Variants in ZNF248 observed in about 807,000 individuals in gnomAD.
The protein encoded by ZNF248 is KRAB protein domain.
ZNF248 carries 20 observed loss-of-function variants against 44.3 expected under a neutral mutation model. The observed-to-expected ratio is 0.45, with a 90% CI of 0.32 to 0.66. The LOEUF is 0.66. ZNF248 is among the 30% of genes least tolerant of loss of function. The probability of loss-of-function intolerance (pLI) is 0.04; values close to 1 mark genes in which losing one functional copy is unlikely to be tolerated. For missense variants in ZNF248, 654 were observed against 677.0 expected, an observed-to-expected ratio of 0.97 and a Z score of 0.38; for synonymous variants, 224 against 229.0, an observed-to-expected ratio of 0.98 and a Z score of 0.20.
chr10:37,786,534 C>T (rs1179832251), intron 6 of ZNF248, among the ~76,000 whole-genome samples: 1 of 151,878 alleles, frequency 6.6e-6, no homozygotes, highest in African/African-American at 2.4e-5. Context: ...CTATATAATG[C>T]AAATAATTAA....
chr10:37,845,981 G>C (rs1181567714), intron 3 of ZNF248, among the ~76,000 whole-genome samples: 5 of 152,154 alleles, frequency 3.3e-5, no homozygotes, highest in Non-Finnish European at 2.9e-5. Context: ...TACAAACCTT[G>C]GGCAGCTGGC....
intron 6 of ZNF248, among the ~76,000 whole-genome samples, chr10:37,812,942 T>A (rs1211546154): frequency 1.3e-5 from 2 of 150,632 alleles, no homozygotes; most frequent in Non-Finnish European, 2.9e-5. Flanking sequence ...GAAAACTATA[T>A]CCGGATGTTG....
At chr10:37,762,013 G>A in the ZNF248 span, among the ~76,000 whole-genome samples, 1 of 152,308 alleles carries the variant, frequency 6.6e-6, no homozygotes, top group South Asian at 2.1e-4. Flanking sequence ...TCAAAGGGCT[G>A]TCTTATGAAA....
At chr10:37,801,489 T>C (rs953521728) in intron 6 of ZNF248, among the ~76,000 whole-genome samples, 2 of 152,088 alleles carry the variant, frequency 1.3e-5, no homozygotes, top group Non-Finnish European at 2.9e-5. Context: ...CCAAAGGCAC[T>C]GTATAAATAA....
At chr10:37,815,137 G>C (rs2052231428) in intron 6 of ZNF248, among the ~76,000 whole-genome samples, 1 of 151,890 alleles carries the variant, frequency 6.6e-6, no homozygotes, top group South Asian at 2.1e-4. Flanking sequence ...CATCATCTTG[G>C]CTCACTGCAA....
At chr10:37,791,445 T>C (rs1473330315) in intron 6 of ZNF248, 1 of 152,196 alleles carries the variant, frequency 6.6e-6, no homozygotes, top group Non-Finnish European at 1.5e-5. Context: ...TAGCACACTA[T>C]TACTTTCAGG....
intron 5 of ZNF248, among the ~76,000 whole-genome samples, chr10:37,837,011 A>G (rs2057349073): frequency 6.6e-6 from 1 of 152,118 alleles, no homozygotes; most frequent in African/African-American, 2.4e-5. Flanking sequence ...ATAAAGACAA[A>G]CTAACCAAGA....
At chr10:37,779,583 C>T (rs1486642429) in intron 6 of ZNF248, among the ~76,000 whole-genome samples, 31 of 151,672 alleles carry the variant, frequency 2.0e-4, no homozygotes, top group Admixed American at 3.3e-4. Context: ...AAACTGGAAG[C>T]ATTCCCTTTG....
At chr10:37,759,831 G>C in the ZNF248 span, among the ~76,000 whole-genome samples, 1 of 152,168 alleles carries the variant, frequency 6.6e-6, no homozygotes, top group Non-Finnish European at 1.5e-5. Flanking sequence ...ACATTTTTAA[G>C]CAGACAGAAA....
chr10:37,762,210 A>G, the ZNF248 span, among the ~76,000 whole-genome samples: 1 of 152,222 alleles, frequency 6.6e-6, no homozygotes, highest in South Asian at 2.1e-4. Flanking sequence ...TCAAAAACCT[A>G]CAAAAGCTCC....
chr10:37,825,389 C>CA (rs61452410), downstream of ZNF248, among the ~76,000 whole-genome samples: 445 of 151,676 alleles, frequency 2.9e-3, 3 homozygotes, highest in African/African-American at 9.9e-3. Context: ...ATTTTTTTAA[C>CA]AAAAAAAAGA....
At chr10:37,851,776 A>AAC (rs1489085688) in intron 3 of ZNF248, among the ~76,000 whole-genome samples, 1 of 149,296 alleles carries the variant, frequency 6.7e-6, no homozygotes, top group Non-Finnish European at 1.5e-5. Context: ...ACCAAAAAAA[A>AAC]AAAAAAAAAA....
Position 37,828,851 on chromosome 10 carries a change from A to G in ZNF248, c.*2764T>C. The G allele has an allele frequency of 2.0e-6, 2 of 985,460 alleles. No homozygotes were observed. The highest frequency in any genetic ancestry group is 2.4e-6 in the Non-Finnish European group (2 of 829,942). 61.0% of individuals were successfully genotyped at this position (985,460 alleles called of 1,614,324 possible). ...TAAGAAACACCACAGGGAGGTATGAATAATGTAATTTAATATAATGTCTGC... is the reference window on the plus strand; with the variant it reads ...TAAGAAACACCACAGGGAGGTATGAGTAATGTAATTTAATATAATGTCTGC... On this transcript the variant is annotated 3_prime_UTR_variant, in exon 6 of 6. Transcript: ENST00000395867.
intron 6 of ZNF248, chr10:37,818,834 G>T: frequency 1.1e-6 from 1 of 923,744 alleles, no homozygotes. Flanking sequence ...GCAGCTTTAA[G>T]AATAGTATTC....
downstream of ZNF248, among the ~76,000 whole-genome samples, chr10:37,826,356 G>A (rs2054390513): frequency 6.6e-6 from 1 of 152,144 alleles, no homozygotes; most frequent in Non-Finnish European, 1.5e-5. Context: ...GACTTCTGTG[G>A]TAAAGTCATG....
At chr10:37,799,513 C>G (rs369681555) in intron 6 of ZNF248, among the ~76,000 whole-genome samples, 24 of 152,176 alleles carry the variant, frequency 1.6e-4, no homozygotes, top group African/African-American at 5.3e-4. Flanking sequence ...GAGCTGAGAT[C>G]GCGCCACTGC....
chr10:37,811,600 A>C (rs2051507547), intron 6 of ZNF248, among the ~76,000 whole-genome samples: 1 of 150,456 alleles, frequency 6.6e-6, no homozygotes. Flanking sequence ...TTTGGGAGGC[A>C]GAAGTGGACA....
At chr10:37,820,660 C>G (rs1352976614) in intron 6 of ZNF248, 1 of 1,450,640 alleles carries the variant, frequency 6.9e-7, no homozygotes, top group Admixed American at 1.7e-5. Context: ...TTCTTTTCCA[C>G]TTTCGCTGGT....
intron 5 of ZNF248, among the ~76,000 whole-genome samples, chr10:37,837,415 GA>G (rs576560328): frequency 1.6e-3 from 241 of 152,260 alleles, no homozygotes; most frequent in Admixed American, 5.4e-3. Context: ...ACCCAGCCAA[GA>G]AAAGCATTTA....
Sources: gnomAD v4.1 joint callset for allele counts (sites outside exome capture counted in the v4.1 genomes callset) on GRCh38, gnomAD v4.1.1 for gene constraint, MANE v1.5 for transcripts, NCBI Gene and HGNC (gene_info 2026-07-23, HGNC 2026-07-21) for gene names.